FARP1: variants seen among roughly 807,000 people sequenced by gnomAD.
FARP1 encodes the protein FERM, ARHGEF and pleckstrin domain-containing protein 1.
FARP1 carries 52 observed loss-of-function variants against 128.8 expected under a neutral mutation model. The ratio of observed to expected loss-of-function variants is 0.40; its 90% confidence interval spans 0.32 to 0.51. The LOEUF is 0.51. Ranked by LOEUF, FARP1 falls within the 20% of genes least tolerant of loss-of-function variation. The pLI is 0.45. For synonymous variants in FARP1, 580 were observed against 551.8 expected, an observed-to-expected ratio of 1.05 and a Z score of -0.72; for missense variants, 1,333 against 1,367.9, an observed-to-expected ratio of 0.97 and a Z score of 0.40.
intron 2 of FARP1, among the ~76,000 whole-genome samples, chr13:98,253,341 C>T (rs868351366): frequency 6.6e-6 from 1 of 152,202 alleles, no homozygotes; most frequent in Admixed American, 6.5e-5. Context: ...CTGCCGTTGA[C>T]TGAGTGCTGT....
rs1240910698 is a variant in FARP1 at position 98,417,340 on chromosome 13, AAG to A, written c.1826+5311_1826+5312del. Among the ~76,000 whole-genome samples, 7 of 151,996 alleles carry A rather than the reference AAG, an allele frequency of 4.6e-5. No individual in the cohort carries two copies. The East Asian group carries it at 1.2e-3, about 25-fold the overall frequency. ...TCAAGGAAGAGAACATTAAGAGGAA[AAG>A]AGAGCTGAGGGCAGAATCTTCTCGA... On this transcript the variant is annotated intron_variant, in intron 16 of 26. Coordinates refer to ENST00000319562, the MANE Select transcript of FARP1 (RefSeq NM_005766.4).
chr13:98,356,748 C>T (rs1483286483), intron 3 of FARP1, among the ~76,000 whole-genome samples: 2 of 152,006 alleles, frequency 1.3e-5, no homozygotes, highest in Admixed American at 1.3e-4. Context: ...CAGTGATTCT[C>T]CTGCCTCAGC....
At chr13:98,425,624 C>T (rs1401572380) in intron 17 of FARP1, 5 of 152,100 alleles carry the variant, frequency 3.3e-5, no homozygotes, top group South Asian at 2.1e-4. Context: ...CTCCTGACCT[C>T]GGGTGATCTA....
chr13:98,172,488 C>G (rs1325683190), intron 1 of FARP1, among the ~76,000 whole-genome samples: 1 of 152,102 alleles, frequency 6.6e-6, no homozygotes, highest in African/African-American at 2.4e-5. Context: ...ACAGAGCTGC[C>G]TCTAGCATAG....
At chr13:98,334,937 T>C (rs1439158568) in intron 2 of FARP1, among the ~76,000 whole-genome samples, 3 of 152,178 alleles carry the variant, frequency 2.0e-5, no homozygotes, top group African/African-American at 7.2e-5. Context: ...AGCCACCCAG[T>C]GCGTAGTGTT....
intron 3 of FARP1, among the ~76,000 whole-genome samples, chr13:98,360,261 A>G (rs766913365): frequency 6.6e-6 from 1 of 152,000 alleles, no homozygotes; most frequent in Admixed American, 6.6e-5. Flanking sequence ...ACGGCTGGCT[A>G]ATTTTTATAC....
At chr13:98,323,751 T>C (rs1447553096) in intron 2 of FARP1, among the ~76,000 whole-genome samples, 1 of 152,212 alleles carries the variant, frequency 6.6e-6, no homozygotes. Flanking sequence ...ATTTTGCTAC[T>C]TGATAAGAAA....
intron 24 of FARP1, among the ~76,000 whole-genome samples, chr13:98,442,920 T>C (rs1892587652): frequency 6.6e-6 from 1 of 152,228 alleles, no homozygotes; most frequent in Non-Finnish European, 1.5e-5. Context: ...GCTTTTTACA[T>C]ACCTGGAGGC....
At chr13:98,395,643 C>T (rs1356914912) in intron 13 of FARP1, 167 bp downstream of exon 13, 10 of 806,728 alleles carry the variant, frequency 1.2e-5, no homozygotes, top group Non-Finnish European at 1.7e-5. Context: ...ATCTGACCAG[C>T]GGTGTCTATC....
intron 2 of FARP1, among the ~76,000 whole-genome samples, chr13:98,318,950 G>GTTTTTTTTTTT (rs56166470): frequency 5.3e-3 from 641 of 120,618 alleles, no homozygotes; most frequent in East Asian, 0.013. Flanking sequence ...GTTTTTTCTT[G>GTTTTTTTTTTT]TTTTTTTTTT....
At chr13:98,182,029 A>G (rs1048802528) in intron 1 of FARP1, among the ~76,000 whole-genome samples, 14 of 152,176 alleles carry the variant, frequency 9.2e-5, no homozygotes, top group African/African-American at 3.4e-4. Flanking sequence ...AGAGATTAGA[A>G]TAATTTCTTA....
chr13:98,316,192 G>A (rs1007348154), intron 2 of FARP1, among the ~76,000 whole-genome samples: 14 of 152,150 alleles, frequency 9.2e-5, no homozygotes, highest in African/African-American at 3.1e-4. Context: ...ACAGTAGAGT[G>A]AAGAGCTACC....
intron 6 of FARP1, among the ~76,000 whole-genome samples, chr13:98,379,218 T>C (rs1295898741): frequency 1.6e-5 from 2 of 125,358 alleles, no homozygotes; most frequent in African/African-American, 6.1e-5. Flanking sequence ...ATATATAATA[T>C]ATAATCTATC....
chr13:98,153,289 T>TATATATAAATATATTTATATATAAA (rs1876154420), intron 1 of FARP1, among the ~76,000 whole-genome samples: 1 of 12,838 alleles, frequency 7.8e-5, no homozygotes, highest in African/African-American at 1.1e-4. Context: ...ATATATAAAA[T>TATATATAAATATATTTATATATAAA]ATATATAAAT....
intron 1 of FARP1, among the ~76,000 whole-genome samples, chr13:98,207,968 A>ACACACACT (rs1566741263): frequency 1.4e-5 from 2 of 143,124 alleles, no homozygotes; most frequent in African/African-American, 2.6e-5. Flanking sequence ...ACACACACAC[A>ACACACACT]CTTTGATTCA....
At chr13:98,390,784 C>T in intron 10 of FARP1, 28 bp from the exon 11 acceptor site, 1 of 1,568,522 alleles carries the variant, frequency 6.4e-7, no homozygotes, top group Non-Finnish European at 8.8e-7. Flanking sequence ...GGTATTTCTC[C>T]CCTTCCCTGT....
At chr13:98,168,447 C>A (rs1298337669) in intron 1 of FARP1, among the ~76,000 whole-genome samples, 1 of 152,184 alleles carries the variant, frequency 6.6e-6, no homozygotes, top group African/African-American at 2.4e-5. Context: ...TTAATCAGAT[C>A]ATTAGATATC....
At chr13:98,172,060 G>A (rs1877690171) in intron 1 of FARP1, among the ~76,000 whole-genome samples, 2 of 152,162 alleles carry the variant, frequency 1.3e-5, no homozygotes, top group Admixed American at 1.3e-4. Context: ...TGGTAACAAA[G>A]AGAAGATGTC....
intron 2 of FARP1, among the ~76,000 whole-genome samples, chr13:98,231,968 C>T (rs1389174066): frequency 1.3e-5 from 2 of 151,988 alleles, no homozygotes; most frequent in African/African-American, 4.8e-5. Context: ...GCTGGGATTA[C>T]AGGTACTCGT....
Sources: allele counts gnomAD v4.1 joint callset (sites outside exome capture counted in the v4.1 genomes callset), GRCh38; gene constraint gnomAD v4.1.1; transcripts MANE v1.5; gene names NCBI Gene and HGNC (gene_info 2026-07-23, HGNC 2026-07-21).